COL5A1: variants seen among roughly 807,000 people sequenced by gnomAD.
COL5A1 encodes the protein collagen alpha-1(V) chain.
Under a neutral mutation model 263.7 loss-of-function variants are expected in COL5A1, and 16 were observed. That is an observed-to-expected ratio of 0.06 (90% confidence interval 0.04 to 0.09). The LOEUF is 0.09. Among genes scored for constraint, COL5A1 ranks in the 10% least tolerant of loss-of-function variants. COL5A1 has a pLI of 1.00. For synonymous variants in COL5A1, 1,012 were observed against 1,004.5 expected (o/e 1.01, Z -0.14); for missense variants, 2,036 against 2,540.5 (o/e 0.80, Z 4.27).
At position 134,843,118 on chromosome 9, in the gene COL5A1, A is replaced by C. The variant is rs1830151499; in HGVS notation, c.*815A>C. On this transcript the variant is annotated 3_prime_UTR_variant, in exon 66 of 66. Transcript: ENST00000371817. ...ATGCTGCCATTGAAAAGCAGGTACC[A>C]GTGCCCCTTTTCAGACAGTTTTTGA... 6.6e-6 allele frequency: 1 copy of C among 150,960 alleles called. No individual in the cohort carries two copies. The highest frequency in any genetic ancestry group is 2.5e-5 in the African/African-American group (1 of 40,702). 9.4% of individuals were successfully genotyped at this position (150,960 alleles called of 1,614,324 possible). A position where few individuals can be genotyped will look rare whatever the true frequency, so the allele number is the denominator to read the frequency against.
chr9:134,798,273 A>T, intron 36 of COL5A1, 135 bp from the exon 37 acceptor site: 1 of 804,218 alleles, frequency 1.2e-6, no homozygotes, highest in South Asian at 1.4e-5. Flanking sequence ...CGTGCCTGCC[A>T]GGTGATTGCT....
At position 134,823,012 on chromosome 9, in the gene COL5A1, A is replaced by C. The variant is rs1401082575; in HGVS notation, c.4623A>C (p.Pro1541=). 3 of 1,613,954 alleles carry C rather than the reference A, an allele frequency of 1.9e-6. No individual in the cohort carries two copies. The highest frequency in any genetic ancestry group is 2.5e-6 in the Non-Finnish European group (3 of 1,179,954). ...GPPGLPGPPG[P]KGAKGSSGPT... is the part of the protein sequence containing the mutation. ...TCTCTCTGCAGGGTCCGCCTGGTCC[A>C]AAAGGTGCTAAGGGCTCCTCGGTAA... Residue 1541 remains proline, a synonymous_variant, in exon 60 of 66, where the codon CCA becomes CCC. Transcript: ENST00000371817.
chr9:134,705,958 C>T (rs549675549), intron 4 of COL5A1, among the ~76,000 whole-genome samples: 1 of 152,348 alleles, frequency 6.6e-6, no homozygotes, highest in South Asian at 2.1e-4. Flanking sequence ...CTCCGGGGCG[C>T]CTCCTGCCCG....
In COL5A1 at chr9:134,818,860, C is replaced by G. The variant is rs369740453; in HGVS notation, c.4351C>G (p.Leu1451Val). The G allele has an allele frequency of 6.2e-6, 10 of 1,613,044 alleles. No individual in the cohort carries two copies. The highest frequency in any genetic ancestry group is 6.8e-6 in the Non-Finnish European group (8 of 1,179,868). ...CTCTGTGTTTCAGGGAGAACAAGGT[C>G]TCCCAGGATCCCCAGGCCCGGACGG... ...GIPGPVGEQGLPGSPGPDGPP... is the reference protein window; with the variant it reads ...GIPGPVGEQGVPGSPGPDGPP... The change falls in exon 56 of 66, where the codon CTC becomes GTC. Residue 1451 changes from leucine (L) to valine (V), a missense_variant. Physicochemically the swap from Leu to Val is conservative, Grantham distance 32. This residue lies in a region of COL5A1 where 1,078 missense variants were observed against 1,521.4 expected (regional missense o/e 0.71). Coordinates refer to ENST00000371817, the MANE Select transcript of COL5A1 (RefSeq NM_000093.5). This position sits in a 1 kb window ranked among gnomAD's most constrained non-coding sequence, Gnocchi z 6.0.
intron 38 of COL5A1, 50 bp downstream of exon 38, chr9:134,802,057 C>A: frequency 1.3e-6 from 2 of 1,575,446 alleles, no homozygotes; most frequent in South Asian, 1.1e-5. Context: ...GTCACTTGCC[C>A]ACAGGGAAGA....
chr9:134,792,873 T>TTGTGCACACGTGTGTGTGCGCGCGTG (rs1479443672), intron 32 of COL5A1, among the ~76,000 whole-genome samples: 7 of 37,452 alleles, frequency 1.9e-4, no homozygotes, highest in Admixed American at 3.3e-4. Flanking sequence ...GTGCGCGCGT[T>TTGTGCACACGTGTGTGTGCGCGCGTG]TGTGCACACG....
chr9:134,731,073 G>A (rs879366555), intron 7 of COL5A1, among the ~76,000 whole-genome samples: 3 of 152,220 alleles, frequency 2.0e-5, no homozygotes, highest in Non-Finnish European at 4.4e-5. Context: ...GGAGCCTTGC[G>A]TAGTGTGTAG....
intron 1 of COL5A1, among the ~76,000 whole-genome samples, chr9:134,648,796 C>T (rs1831562861): frequency 6.6e-6 from 1 of 152,118 alleles, no homozygotes; most frequent in African/African-American, 2.4e-5. Context: ...CAGTAAGCAC[C>T]AGTGGTCAGT....
In COL5A1 at chr9:134,701,202, A is replaced by G; in HGVS notation, c.523A>G (p.Lys175Glu). ...WHRIALSVHK[K>E]NVTLILDCKK... The stretch of plus-strand genomic sequence containing the variant: ...CAGAATTGCTCTCAGCGTCCACAAG[A>G]AAAATGTCACCTTGATCCTCGACTG... The change falls in exon 4 of 66, where the codon AAA (lysine) becomes GAA (glutamate). Residue 175 changes from lysine to glutamate, a missense_variant. Physicochemically the swap from Lys to Glu is moderately conservative, Grantham distance 56. Around this residue, in one of 3 missense-constraint regions of COL5A1, gnomAD observed 600 missense variants for 634.5 expected, o/e 0.95. Transcript: ENST00000371817. The G allele has an allele frequency of 1.9e-6, 3 of 1,613,968 alleles. No individual in the cohort carries two copies. Among genetic ancestry groups the G allele is most frequent in the Non-Finnish European group, 8.5e-7 (1 of 1,180,016 alleles).
intron 1 of COL5A1, among the ~76,000 whole-genome samples, chr9:134,643,050 G>A (rs1831353136): frequency 6.6e-6 from 1 of 152,260 alleles, no homozygotes; most frequent in African/African-American, 2.4e-5. Context: ...ATATGCAGAT[G>A]TGGGATTCCT....
chr9:134,793,541 G>A (rs749711677), intron 32 of COL5A1, among the ~76,000 whole-genome samples: 5 of 152,100 alleles, frequency 3.3e-5, no homozygotes, highest in African/African-American at 1.2e-4. Flanking sequence ...GGGCCCCAGC[G>A]CCTGTGCCTC....
chr9:134,771,355 A>G (rs1379427549), intron 25 of COL5A1, among the ~76,000 whole-genome samples: 4 of 152,116 alleles, frequency 2.6e-5, no homozygotes, highest in African/African-American at 4.8e-5. Context: ...CAGCCCGGCC[A>G]CTCTGAGGTG....
chr9:134,707,628 G>C (rs1833884178), intron 4 of COL5A1, among the ~76,000 whole-genome samples: 1 of 152,182 alleles, frequency 6.6e-6, no homozygotes, highest in South Asian at 2.1e-4. Flanking sequence ...GGGCCTCGAA[G>C]GGGAGAGCAA....
chr9:134,797,121 G>A (rs1837942526), intron 36 of COL5A1, among the ~76,000 whole-genome samples: 1 of 152,260 alleles, frequency 6.6e-6, no homozygotes, highest in Non-Finnish European at 1.5e-5. Flanking sequence ...GTGTCCCACT[G>A]CCGGGCCCGC....
At chr9:134,654,099 A>G (rs1411608337) in intron 1 of COL5A1, among the ~76,000 whole-genome samples, 151 of 15,424 alleles carry the variant, frequency 9.8e-3, no homozygotes, top group Non-Finnish European at 0.011. Context: ...GGTGTGTAGG[A>G]CTGGGAGTGT....
Position 134,730,217 on chromosome 9 carries a change from C to T in COL5A1, c.925-19C>T. 6.2e-7 allele frequency: 1 copy of T among 1,612,470 alleles called. No homozygotes were observed. Among genetic ancestry groups the T allele is most frequent in the Non-Finnish European group, 8.5e-7 (1 of 1,179,960 alleles). On this transcript the variant is annotated intron_variant, in intron 6 of 65. Transcript: ENST00000371817. ...CGGCCTCCGCCCTGACTCCAGCTGT[C>T]TCTGTCCTTGGCTCCCAGGAGCTGA...
At chr9:134,747,887 G>A (rs1234668407) in intron 11 of COL5A1, among the ~76,000 whole-genome samples, 3 of 137,192 alleles carry the variant, frequency 2.2e-5, no homozygotes, top group African/African-American at 8.3e-5. Flanking sequence ...ATGCACACAT[G>A]CATTCATACA....
chr9:134,645,433 G>A (rs1030213231), intron 1 of COL5A1, among the ~76,000 whole-genome samples: 2 of 152,228 alleles, frequency 1.3e-5, no homozygotes, highest in Admixed American at 6.5e-5. Context: ...CCCCGCTGGA[G>A]GGCGAGGATG....
chr9:134,761,078 C>T (rs1424901234), intron 18 of COL5A1, among the ~76,000 whole-genome samples: 3 of 149,336 alleles, frequency 2.0e-5, no homozygotes, highest in Non-Finnish European at 4.4e-5. Context: ...CACACACATG[C>T]ACACGTGCAC....
Sources: gnomAD v4.1 joint callset for allele counts (sites outside exome capture counted in the v4.1 genomes callset) on GRCh38, gnomAD v4.1.1 for gene constraint, gnomAD v4.1.1 regional missense constraint, Gnocchi (gnomAD v3.1) non-coding constraint, MANE v1.5 for transcripts, NCBI Gene and HGNC (gene_info 2026-07-23, HGNC 2026-07-21) for gene names.